The following TMEM26 variants were observed in gnomAD, a reference collection of about 807,000 sequenced individuals.
TMEM26 encodes transmembrane protein 26.
A neutral mutation model predicts 28.8 loss-of-function variants in TMEM26; 38 were observed. The observed-to-expected ratio is 1.32, with a 90% CI of 1.02 to 1.73. TMEM26 has a LOEUF of 1.73. Among genes scored for constraint, TMEM26 ranks in the 40% most tolerant of loss-of-function variants. The pLI is 0.00. For missense variants in TMEM26, 518 were observed against 447.1 expected, an observed-to-expected ratio of 1.16 and a Z score of -1.43; for synonymous variants, 227 against 182.9, an observed-to-expected ratio of 1.24 and a Z score of -1.95.
intron 5 of TMEM26, among the ~76,000 whole-genome samples, chr10:61,412,516 G>C (rs1451844023): frequency 6.6e-6 from 1 of 152,126 alleles, no homozygotes; most frequent in Non-Finnish European, 1.5e-5. Context: ...AAATAAACAA[G>C]TCAGGCTAAG....
rs762800679 is a variant in TMEM26 at position 61,431,292 on chromosome 10, C to T, written c.311G>A (p.Ser104Asn). 6.2e-7 allele frequency: 1 copy of T among 1,613,142 alleles called. No homozygotes were observed. The highest frequency in any genetic ancestry group is 8.5e-7 in the Non-Finnish European group (1 of 1,179,364). ...TGTTTGATTGAAGTCTTCTTTTCTGCTGGTATTCTGTGATGTTCCTTCAGC... is the reference window on the plus strand; with the variant it reads ...TGTTTGATTGAAGTCTTCTTTTCTGTTGGTATTCTGTGATGTTCCTTCAGC... Reference protein sequence around the residue: ...IQAEGTSQNTSRKEDFNQTLT... With the variant: ...IQAEGTSQNTNRKEDFNQTLT... The change falls in exon 3 of 6, where the codon AGC (serine) becomes AAC (asparagine). Residue 104 changes from serine to asparagine, a missense_variant. By Grantham distance (46) the Ser-to-Asn change is conservative. Coordinates refer to ENST00000399298, the MANE Select transcript of TMEM26 (RefSeq NM_178505.8).
chr10:61,439,432 G>A (rs889479525), intron 1 of TMEM26, among the ~76,000 whole-genome samples: 18 of 152,142 alleles, frequency 1.2e-4, no homozygotes, highest in African/African-American at 4.3e-4. Flanking sequence ...TTAAATATTT[G>A]AATGCCCGAA....
chr10:61,450,082 C>A (rs182673100), intron 1 of TMEM26, among the ~76,000 whole-genome samples: 1 of 152,240 alleles, frequency 6.6e-6, no homozygotes, highest in Admixed American at 6.5e-5. Context: ...TTACTTTCCA[C>A]AAACAAGATG....
intron 4 of TMEM26, among the ~76,000 whole-genome samples, chr10:61,420,108 A>G (rs1358483072): frequency 6.6e-6 from 1 of 152,220 alleles, no homozygotes. Context: ...TCAATAACAT[A>G]AAGTCAATTA....
chr10:61,444,517 CA>C, intron 1 of TMEM26, among the ~76,000 whole-genome samples: 1 of 151,870 alleles, frequency 6.6e-6, no homozygotes, highest in Non-Finnish European at 1.5e-5. Context: ...TTTGGTTTTA[CA>C]AGAATGTTTG....
chr10:61,415,239 G>T, intron 4 of TMEM26: 1 of 767,544 alleles, frequency 1.3e-6, no homozygotes, highest in Non-Finnish European at 1.6e-6. Context: ...TTCCCTAATT[G>T]TTATCTAATT....
intron 4 of TMEM26, among the ~76,000 whole-genome samples, chr10:61,419,990 G>T (rs562885577): frequency 6.6e-6 from 1 of 152,136 alleles, no homozygotes; most frequent in South Asian, 2.1e-4. Flanking sequence ...AGCAAAGTGG[G>T]GGTTAGTTAA....
chr10:61,443,270 G>C (rs1290016731), intron 1 of TMEM26, among the ~76,000 whole-genome samples: 2 of 150,296 alleles, frequency 1.3e-5, no homozygotes, highest in African/African-American at 2.5e-5. Flanking sequence ...GGCTAACACG[G>C]TGAAACCTGT....
intron 2 of TMEM26, among the ~76,000 whole-genome samples, chr10:61,431,901 G>C (rs1839929320): frequency 6.6e-6 from 1 of 151,888 alleles, no homozygotes; most frequent in Admixed American, 6.6e-5. Context: ...CTCTCAAGTA[G>C]TCTCTGGTGT....
rs188424968 is a variant in TMEM26 at position 61,410,299 on chromosome 10, C to T, written c.*23G>A. ...AAGAACCAGGGAGTCAGGTTCTAGC[C>T]GCAGACCACTGTCAATCAATAACTA... On this transcript the variant is annotated 3_prime_UTR_variant, in exon 6 of 6. Coordinates refer to ENST00000399298, the MANE Select transcript of TMEM26 (RefSeq NM_178505.8). The T allele has an allele frequency of 4.4e-6, 7 of 1,582,822 alleles. No homozygotes were observed. Among genetic ancestry groups the T allele is most frequent in the African/African-American group, 4.0e-5 (3 of 74,212 alleles).
At chr10:61,423,766 G>T (rs1490384016) in intron 4 of TMEM26, among the ~76,000 whole-genome samples, 3 of 152,084 alleles carry the variant, frequency 2.0e-5, no homozygotes, top group Non-Finnish European at 2.9e-5. Context: ...TTATAATAAA[G>T]TAGAATTTAT....
chr10:61,428,799 A>T lies in TMEM26; in HGVS notation c.605+127T>A, dbSNP rs964446785. 3 of 784,614 alleles carry T rather than the reference A, an allele frequency of 3.8e-6. No individual in the cohort carries two copies. In the African/African-American group the frequency reaches 5.2e-5, roughly 14 times the overall value. The allele number at this position is 784,614 out of a possible 1,614,324, so 48.6% of individuals were successfully genotyped here. On this transcript the variant is annotated intron_variant, in intron 4 of 5. Coordinates refer to ENST00000399298, the MANE Select transcript of TMEM26 (RefSeq NM_178505.8). ...TACGTAAACAGCAGCAAATTCTCTG[A>T]TCCTAACGTTGCATATAAAATATAC...
chr10:61,414,922 A>G, intron 4 of TMEM26: 3 of 944,914 alleles, frequency 3.2e-6, no homozygotes, highest in Non-Finnish European at 3.8e-6. Context: ...AAATTAAGAA[A>G]TATTCCAGGT....
rs1270268295 is a variant in TMEM26, at chr10:61,409,126, AGGC to A, written c.*1193_*1195del. On this transcript the variant is annotated 3_prime_UTR_variant, in exon 6 of 6. Coordinates refer to ENST00000399298, the MANE Select transcript of TMEM26 (RefSeq NM_178505.8). The stretch of plus-strand genomic sequence containing the variant: ...GCAAATTTTCACACTGTATCTTTAA[AGGC>A]AAAAATCACTTTAAAAGGTTCTGAA... 1 of 152,238 alleles carries A rather than the reference AGGC, an allele frequency of 6.6e-6. No homozygotes were observed. The highest frequency in any genetic ancestry group is 1.5e-5 in the Non-Finnish European group (1 of 68,038). The allele number at this position is 152,238 out of a possible 1,614,324, so 9.4% of individuals were successfully genotyped here.
At chr10:61,421,600 T>C (rs771898466) in intron 4 of TMEM26, among the ~76,000 whole-genome samples, 1 of 151,962 alleles carries the variant, frequency 6.6e-6, no homozygotes, top group South Asian at 2.1e-4. Context: ...CTGGGGTGAA[T>C]GCCATGTGAA....
chr10:61,447,272 T>C (rs375707462), intron 1 of TMEM26, among the ~76,000 whole-genome samples: 5 of 152,338 alleles, frequency 3.3e-5, no homozygotes, highest in African/African-American at 1.2e-4. Context: ...ATAAACATTT[T>C]TGATGGAGGA....
In TMEM26 at chr10:61,408,400, G is replaced by T. The variant is rs191937090; in HGVS notation, c.*1922C>A. The T allele has an allele frequency of 6.6e-6, 1 of 152,108 alleles. No individual in the cohort carries two copies. The highest frequency in any genetic ancestry group is 1.5e-5 in the Non-Finnish European group (1 of 68,024). The allele number at this position is 152,108 out of a possible 1,614,324, so 9.4% of individuals were successfully genotyped here. A position where few individuals can be genotyped will look rare whatever the true frequency, so the allele number is the denominator to read the frequency against. On this transcript the variant is annotated 3_prime_UTR_variant, in exon 6 of 6. Transcript: ENST00000399298. The stretch of plus-strand genomic sequence containing the variant: ...ATTTAAAAATATCCTTGCAACAGCC[G>T]TACTACTTTATACTTTATCTATTTT...
At chr10:61,410,985 T>C (rs1016104574) in intron 5 of TMEM26, among the ~76,000 whole-genome samples, 2 of 152,218 alleles carry the variant, frequency 1.3e-5, no homozygotes, top group Non-Finnish European at 2.9e-5. Context: ...GTTCTCACCC[T>C]GGGCAAAGCA....
chr10:61,428,532 T>G (rs1839868427), intron 4 of TMEM26, among the ~76,000 whole-genome samples: 1 of 152,114 alleles, frequency 6.6e-6, no homozygotes, highest in Non-Finnish European at 1.5e-5. Flanking sequence ...CTATGCTGTG[T>G]TCTAGGAGAG....
Sources: allele counts gnomAD v4.1 joint callset (sites outside exome capture counted in the v4.1 genomes callset), GRCh38; gene constraint gnomAD v4.1.1; transcripts MANE v1.5; gene names NCBI Gene and HGNC (gene_info 2026-07-23, HGNC 2026-07-21).